ASH1L: variants seen among roughly 807,000 people sequenced by gnomAD.
The protein encoded by ASH1L is histone-lysine N-methyltransferase ASH1L.
Under a neutral mutation model 269.0 loss-of-function variants are expected in ASH1L, and 23 were observed. That is an observed-to-expected ratio of 0.09 (90% CI 0.06 to 0.12). ASH1L has a LOEUF of 0.12. Among genes scored for constraint, ASH1L ranks in the 10% least tolerant of loss-of-function variants. ASH1L has a pLI of 1.00. For synonymous variants in ASH1L, 1,187 were observed against 1,253.5 expected (o/e 0.95, Z 1.12); for missense variants, 2,912 against 3,567.8 (o/e 0.82, Z 4.68).
intron 6 of ASH1L, among the ~76,000 whole-genome samples, chr1:155,414,502 T>C (rs1028549861): frequency 2.0e-5 from 3 of 151,854 alleles, no homozygotes; most frequent in Non-Finnish European, 4.4e-5. Flanking sequence ...AGAAACGGGG[T>C]TTCTCCATGT....
At chr1:155,513,053 C>T (rs983861791) in intron 2 of ASH1L, among the ~76,000 whole-genome samples, 4 of 151,666 alleles carry the variant, frequency 2.6e-5, no homozygotes, top group Non-Finnish European at 5.9e-5. Context: ...TAGCAAGATG[C>T]TGTCTCAAAC....
intron 6 of ASH1L, among the ~76,000 whole-genome samples, chr1:155,411,586 A>AATAAATAAATAAATAAATAAATATAT (rs1297131961): frequency 3.6e-5 from 2 of 55,188 alleles, no homozygotes; most frequent in East Asian, 1.4e-3. Flanking sequence ...TAAATAAATA[A>AATAAATAAATAAATAAATAAATATAT]ATATATATAT....
At chr1:155,522,365 C>A (rs1037083137) in intron 1 of ASH1L, among the ~76,000 whole-genome samples, 1 of 152,240 alleles carries the variant, frequency 6.6e-6, no homozygotes, top group East Asian at 1.9e-4. Context: ...CAGTATTCAA[C>A]AAAATGAACC....
In ASH1L at chr1:155,529,335, G is replaced by A. The variant is rs79142007; in HGVS notation, c.-99-7717C>T. Among the ~76,000 whole-genome samples, 266 of 148,734 alleles carry A rather than the reference G, an allele frequency of 1.8e-3. 4 individuals carry two copies. In the East Asian group the frequency reaches 0.046, roughly 26 times the overall value. On this transcript the variant is annotated intron_variant, in intron 1 of 27. Coordinates refer to ENST00000392403, the MANE Select transcript of ASH1L (RefSeq NM_018489.3). ...AGTGTATAAGCACTCCTTTCTCTCTGCAACCTTGCCAGCATCTTTTTTTTT... is the reference window on the plus strand; with the variant it reads ...AGTGTATAAGCACTCCTTTCTCTCTACAACCTTGCCAGCATCTTTTTTTTT...
Position 155,354,624 on chromosome 1 carries a change from A to G in ASH1L, c.7062T>C (p.Phe2354=). ...CCAAGAATACATGATGCTTTAACAC[A>G]AAGTTCCTGCAAGGAAGGAAAAAAA... ...MKPMSNRERN[F]VLKHHVFLVR... The change falls in exon 16 of 28, where the codon TTT becomes TTC. Residue 2354 remains phenylalanine, a synonymous_variant. Coordinates refer to ENST00000392403, the MANE Select transcript of ASH1L (RefSeq NM_018489.3). The G allele has an allele frequency of 6.2e-7, 1 of 1,608,444 alleles. No homozygotes were observed. The highest frequency in any genetic ancestry group is 8.5e-7 in the Non-Finnish European group (1 of 1,178,708).
chr1:155,385,269 C>T (rs1263186846), intron 7 of ASH1L, among the ~76,000 whole-genome samples: 1 of 152,004 alleles, frequency 6.6e-6, no homozygotes, highest in African/African-American at 2.4e-5. Context: ...GTGGTAAAAC[C>T]CCGTCTTTAC....
At chr1:155,474,511 C>T (rs1244035125) in intron 3 of ASH1L, among the ~76,000 whole-genome samples, 6 of 152,020 alleles carry the variant, frequency 3.9e-5, no homozygotes, top group African/African-American at 1.4e-4. Context: ...TCAGCCTGGG[C>T]GGCATGGCGA....
chr1:155,545,209 C>CAAAAAAAAAAAA (rs1670721561), intron 1 of ASH1L, among the ~76,000 whole-genome samples: 2 of 39,078 alleles, frequency 5.1e-5, no homozygotes, highest in African/African-American at 1.6e-4. Context: ...AAAAAAAAAG[C>CAAAAAAAAAAAA]TATGTTTTAC....
At position 155,438,681 on chromosome 1, in the gene ASH1L, T is replaced by C; in HGVS notation, c.5474A>G (p.His1825Arg). ...TTTGGCTTTTAAGATTTTATTGACA[T>C]GGTCTAGGTTTTTCTTTGTGGCCAA... ...KILATKKNLD[H>R]VNKILKAKKL... Residue 1825 changes from histidine (H) to arginine (R), a missense_variant, in exon 5 of 28, where the codon CAT becomes CGT. Physicochemically the swap from His to Arg is conservative, Grantham distance 29 (BLOSUM62 0). Around this residue, in one of 13 missense-constraint regions of ASH1L, gnomAD observed 789 missense variants for 897.6 expected, o/e 0.88. Transcript: ENST00000392403. 1.9e-6 allele frequency: 3 copies of C among 1,614,142 alleles called. No individual in the cohort carries two copies. Among genetic ancestry groups the C allele is most frequent in the Non-Finnish European group, 2.5e-6 (3 of 1,180,038 alleles).
chr1:155,456,345 T>C (rs1663861304), intron 4 of ASH1L, among the ~76,000 whole-genome samples: 1 of 152,234 alleles, frequency 6.6e-6, no homozygotes, highest in African/African-American at 2.4e-5. Context: ...AACTTTCACA[T>C]TCTCAGACTA....
In ASH1L at chr1:155,383,534, G is replaced by C. The variant is rs1472454106; in HGVS notation, c.6104-3418C>G. ...ACATGATATACAGGTTTGTAGCTTA[G>C]GAGCAAGAGGCTATACCATACAGCC... On this transcript the variant is annotated intron_variant, in intron 7 of 27. Coordinates refer to ENST00000392403, the MANE Select transcript of ASH1L (RefSeq NM_018489.3). 2.0e-5 allele frequency among the ~76,000 whole-genome samples: 3 copies of C among 152,168 alleles called. No individual in the cohort carries two copies. In the East Asian group the frequency reaches 5.8e-4, roughly 29 times the overall value.
chr1:155,433,446 G>T (rs1263521473), intron 5 of ASH1L: 1 of 1,609,948 alleles, frequency 6.2e-7, no homozygotes, highest in Non-Finnish European at 8.5e-7. Context: ...CCCCAAGGCG[G>T]CTTGGAGACC....
chr1:155,478,398 T>G lies in ASH1L; in HGVS notation c.4472A>C (p.Glu1491Ala). ...CTGGGGTTGTTCAGAAGAACGGTGTTCTCTGTGTTTGTGACGGTGCCTGTG... is the reference window on the plus strand; with the variant it reads ...CTGGGGTTGTTCAGAAGAACGGTGTGCTCTGTGTTTGTGACGGTGCCTGTG... ...HKHRHRHKHR[E>A]HRSSEQPQVS... Residue 1491 changes from glutamate to alanine, a missense_variant, in exon 3 of 28, where the codon GAA becomes GCA. Physicochemically the swap from Glu to Ala is moderately radical, Grantham distance 107. Around this residue, in one of 13 missense-constraint regions of ASH1L, gnomAD observed 789 missense variants for 897.6 expected, o/e 0.88. Transcript: ENST00000392403. This position sits in a 1 kb window ranked among gnomAD's most constrained non-coding sequence, Gnocchi z 4.6. The G allele has an allele frequency of 6.2e-7, 1 of 1,614,032 alleles. No homozygotes were observed. Among genetic ancestry groups the G allele is most frequent in the East Asian group, 2.2e-5 (1 of 44,864 alleles).
intron 5 of ASH1L, among the ~76,000 whole-genome samples, chr1:155,437,483 T>A: frequency 6.6e-6 from 1 of 152,214 alleles, no homozygotes; most frequent in East Asian, 1.9e-4. Context: ...GAAATCCTTG[T>A]GCATTGTAAC....
At chr1:155,502,062 TTTTC>T (rs1448615102) in intron 2 of ASH1L, among the ~76,000 whole-genome samples, 20 of 150,428 alleles carry the variant, frequency 1.3e-4, no homozygotes, top group African/African-American at 3.9e-4. Context: ...TTTTCTTTTC[TTTTC>T]TTTTCTTTTT....
chr1:155,416,681 G>A (rs1290122504), intron 5 of ASH1L, among the ~76,000 whole-genome samples: 2 of 150,358 alleles, frequency 1.3e-5, no homozygotes, highest in African/African-American at 2.5e-5. Flanking sequence ...GATTACAGGC[G>A]CCTGTAACCA....
intron 10 of ASH1L, among the ~76,000 whole-genome samples, chr1:155,372,607 C>A (rs551106348): frequency 9.3e-5 from 14 of 151,022 alleles, no homozygotes; most frequent in African/African-American, 3.2e-4. Flanking sequence ...TTGTGCCTGG[C>A]CTTTTTTTTT....
At chr1:155,553,303 GTAAC>G (rs1273704742) in intron 1 of ASH1L, among the ~76,000 whole-genome samples, 3 of 152,146 alleles carry the variant, frequency 2.0e-5, no homozygotes, top group Non-Finnish European at 2.9e-5. Flanking sequence ...AATTTTCTGA[GTAAC>G]TAAAATATAA....
intron 1 of ASH1L, among the ~76,000 whole-genome samples, chr1:155,549,625 A>C (rs1671061889): frequency 1.6e-5 from 2 of 128,822 alleles, no homozygotes; most frequent in Non-Finnish European, 3.2e-5. Flanking sequence ...ACTCAGTCTC[A>C]AAAAAAAAAA....
Sources: gnomAD v4.1 joint callset for allele counts (sites outside exome capture counted in the v4.1 genomes callset) on GRCh38, gnomAD v4.1.1 for gene constraint, gnomAD v4.1.1 regional missense constraint, Gnocchi (gnomAD v3.1) non-coding constraint, MANE v1.5 for transcripts, NCBI Gene and HGNC (gene_info 2026-07-23, HGNC 2026-07-21) for gene names.